The following PCDH15 variants were observed in gnomAD, a reference collection of about 807,000 sequenced individuals.
PCDH15 encodes protocadherin related 15.
In PCDH15, 129 loss-of-function variants were observed where a neutral mutation model predicts 178.5. The observed-to-expected ratio is 0.72, with a 90% confidence interval of 0.63 to 0.84. The LOEUF is 0.84. Among genes scored for constraint, PCDH15 ranks in the 40% least tolerant of loss-of-function variants. The probability of loss-of-function intolerance (pLI) is 0.00; values close to 1 mark genes in which losing one functional copy is unlikely to be tolerated. For synonymous variants in PCDH15, 800 were observed against 732.0 expected (o/e 1.09, Z -1.50); for missense variants, 2,230 against 2,099.9 (o/e 1.06, Z -1.21).
intron 2 of PCDH15, among the ~76,000 whole-genome samples, chr10:55,075,877 T>A (rs1268724775): frequency 6.6e-6 from 1 of 152,178 alleles, no homozygotes; most frequent in Non-Finnish European, 1.5e-5. Flanking sequence ...TTCAGTGTTA[T>A]AAACTATCCC....
At chr10:54,014,456 C>T (rs140955469) in intron 20 of PCDH15, among the ~76,000 whole-genome samples, 3,222 of 152,106 alleles carry the variant, frequency 0.021, 113 homozygotes, top group African/African-American at 0.072. Flanking sequence ...AGAGACACAA[C>T]AACAACAAAA....
At chr10:54,741,379 G>A (rs1225378851) in intron 1 of PCDH15, among the ~76,000 whole-genome samples, 1 of 151,740 alleles carries the variant, frequency 6.6e-6, no homozygotes, top group Non-Finnish European at 1.5e-5. Flanking sequence ...CATGAAATAA[G>A]TAATTTTTCA....
chr10:54,395,694 G>C (rs1951122151), intron 3 of PCDH15, among the ~76,000 whole-genome samples: 1 of 151,718 alleles, frequency 6.6e-6, no homozygotes, highest in African/African-American at 2.4e-5. Flanking sequence ...ACACACAAAG[G>C]TAGTTATACA....
intron 8 of PCDH15, among the ~76,000 whole-genome samples, chr10:54,300,063 T>A (rs997232557): frequency 3.3e-5 from 5 of 152,190 alleles, no homozygotes; most frequent in Admixed American, 3.3e-4. Flanking sequence ...CAATCCGAAG[T>A]AGACTCTTTG....
At chr10:54,889,411 AAC>A (rs1161867063) in intron 3 of PCDH15, among the ~76,000 whole-genome samples, 1 of 151,240 alleles carries the variant, frequency 6.6e-6, no homozygotes, top group East Asian at 1.9e-4. Context: ...CCTTTCCCCA[AAC>A]ACGCGCACAG....
At chr10:53,946,526 T>G (rs1458350470) in intron 23 of PCDH15, among the ~76,000 whole-genome samples, 4 of 152,202 alleles carry the variant, frequency 2.6e-5, no homozygotes, top group Non-Finnish European at 4.4e-5. Flanking sequence ...TATCAATATG[T>G]GCTTAAGTTT....
intron 3 of PCDH15, among the ~76,000 whole-genome samples, chr10:54,829,386 G>A (rs1953184932): frequency 6.6e-6 from 1 of 151,962 alleles, no homozygotes; most frequent in South Asian, 2.1e-4. Context: ...CCATACTGGT[G>A]GAAGTAAGTA....
intron 1 of PCDH15, among the ~76,000 whole-genome samples, chr10:54,786,128 C>T (rs909858247): frequency 1.3e-5 from 2 of 151,898 alleles, no homozygotes; most frequent in African/African-American, 2.4e-5. Context: ...CCATAATCAC[C>T]GTCAGTTATA....
chr10:54,095,748 T>C (rs938381913), intron 15 of PCDH15, among the ~76,000 whole-genome samples: 43 of 152,200 alleles, frequency 2.8e-4, no homozygotes, highest in Non-Finnish European at 2.1e-4. Context: ...AAGAAGTCCT[T>C]AATAGGAAAA....
intron 1 of PCDH15, among the ~76,000 whole-genome samples, chr10:54,720,261 A>C (rs11004487): frequency 0.12 from 18,535 of 152,122 alleles, 1,261 homozygotes; most frequent in African/African-American, 0.17. Flanking sequence ...TTATTGCAGC[A>C]CTTGGATTGT....
intron 37 of PCDH15, chr10:53,808,298 A>AGAT: frequency 4.3e-6 from 2 of 464,578 alleles, no homozygotes; most frequent in Non-Finnish European, 5.6e-6. Context: ...TTATTTTGAA[A>AGAT]GATGATATAA....
At chr10:53,954,484 G>A (rs912090000) in intron 23 of PCDH15, among the ~76,000 whole-genome samples, 1 of 152,072 alleles carries the variant, frequency 6.6e-6, no homozygotes, top group Non-Finnish European at 1.5e-5. Flanking sequence ...TAGTAAATGC[G>A]AACTCTGAAC....
chr10:54,160,852 C>A (rs1358788566), intron 13 of PCDH15, among the ~76,000 whole-genome samples: 3 of 152,048 alleles, frequency 2.0e-5, no homozygotes, highest in Admixed American at 1.3e-4. Flanking sequence ...CAATGAGATA[C>A]TAATAAGCAT....
chr10:54,181,262 C>A (rs2047958746), intron 13 of PCDH15, among the ~76,000 whole-genome samples: 1 of 152,160 alleles, frequency 6.6e-6, no homozygotes, highest in African/African-American at 2.4e-5. Context: ...AACTAATAGT[C>A]ATGTATCTAC....
chr10:55,559,214 C>A (rs1842146547), intron 2 of PCDH15, among the ~76,000 whole-genome samples: 1 of 151,802 alleles, frequency 6.6e-6, no homozygotes, highest in Admixed American at 6.6e-5. Flanking sequence ...CAAATGTATA[C>A]CAATATAGTC....
chr10:54,093,545 C>T (rs2094638661), intron 15 of PCDH15, among the ~76,000 whole-genome samples: 1 of 152,100 alleles, frequency 6.6e-6, no homozygotes, highest in Admixed American at 6.6e-5. Context: ...AGCATTTACC[C>T]TTCAAGTATT....
At chr10:54,080,507 A>G (rs1221739109) in intron 16 of PCDH15, among the ~76,000 whole-genome samples, 6 of 152,182 alleles carry the variant, frequency 3.9e-5, no homozygotes, top group African/African-American at 1.4e-4. Context: ...TACCAAGTCC[A>G]AAACATAAAT....
intron 20 of PCDH15, among the ~76,000 whole-genome samples, chr10:53,998,948 A>G (rs2091985682): frequency 6.6e-6 from 1 of 150,552 alleles, no homozygotes; most frequent in Admixed American, 6.6e-5. Context: ...GCTACTCGAG[A>G]GGCTGAGGAA....
At chr10:54,921,575 C>T (rs1324264835) in intron 2 of PCDH15, among the ~76,000 whole-genome samples, 5 of 152,086 alleles carry the variant, frequency 3.3e-5, no homozygotes, top group Non-Finnish European at 7.4e-5. Flanking sequence ...TAAGTGAGAA[C>T]ATATAGTATT....
Sources: gnomAD v4.1 joint callset for allele counts (sites outside exome capture counted in the v4.1 genomes callset) on GRCh38, gnomAD v4.1.1 for gene constraint, MANE v1.5 for transcripts, NCBI Gene and HGNC (gene_info 2026-07-23, HGNC 2026-07-21) for gene names.